Variants in CFAP61 observed in about 807,000 individuals in gnomAD.
CFAP61 encodes cilia and flagella associated protein 61.
CFAP61 carries 107 observed loss-of-function variants against 135.6 expected under a neutral mutation model. The ratio of observed to expected loss-of-function variants is 0.79; its 90% CI spans 0.67 to 0.93. CFAP61 has a LOEUF of 0.93. CFAP61 is among the 40% of genes least tolerant of loss of function. The pLI is 0.00. For synonymous variants in CFAP61, 575 were observed against 578.5 expected, an observed-to-expected ratio of 0.99 and a Z score of 0.09; for missense variants, 1,507 against 1,556.2, an observed-to-expected ratio of 0.97 and a Z score of 0.53.
intron 20 of CFAP61, among the ~76,000 whole-genome samples, chr20:20,256,377 G>C (rs1296358992): frequency 6.7e-6 from 1 of 148,996 alleles, no homozygotes; most frequent in Non-Finnish European, 1.5e-5. Context: ...GAACATAGTT[G>C]TGAAAATGTT....
intron 2 of CFAP61, among the ~76,000 whole-genome samples, chr20:20,068,458 C>A (rs981478423): frequency 1.5e-4 from 23 of 152,166 alleles, no homozygotes; most frequent in Admixed American, 2.0e-4. Flanking sequence ...ATACTGTATT[C>A]TAGGAACCTG....
chr20:20,298,373 A>C lies in CFAP61; in HGVS notation c.3409A>C (p.Thr1137Pro). The change falls in exon 25 of 27, where the codon ACA becomes CCA. Residue 1137 changes from threonine (T) to proline (P), a missense_variant. Coordinates refer to ENST00000245957, the MANE Select transcript of CFAP61 (RefSeq NM_015585.4). Reference sequence around the variant, plus strand: ...TGCTCGGTACGATGAAAACCTGATCACAGATCTCTATAGGTGAGTTGGACA... The same window carrying C: ...TGCTCGGTACGATGAAAACCTGATCCCAGATCTCTATAGGTGAGTTGGACA... Reference protein sequence around the residue: ...LCARYDENLITDLYSYFTEPW... With the variant: ...LCARYDENLIPDLYSYFTEPW... The C allele has an allele frequency of 6.2e-7, 1 of 1,613,854 alleles. No individual in the cohort carries two copies.
At chr20:20,316,212 C>T (rs1238826391) in intron 25 of CFAP61, among the ~76,000 whole-genome samples, 1 of 152,054 alleles carries the variant, frequency 6.6e-6, no homozygotes, top group East Asian at 1.9e-4. Flanking sequence ...TCATTTATTT[C>T]CTTGAGCAGT....
chr20:20,332,938 T>C (rs2058055027), intron 25 of CFAP61, among the ~76,000 whole-genome samples: 1 of 152,176 alleles, frequency 6.6e-6, no homozygotes, highest in Non-Finnish European at 1.5e-5. Flanking sequence ...AATTCTTTAG[T>C]GAAAGACAAA....
chr20:20,180,807 A>G (rs1170418898), intron 13 of CFAP61, among the ~76,000 whole-genome samples: 2 of 152,224 alleles, frequency 1.3e-5, no homozygotes, highest in Non-Finnish European at 2.9e-5. Context: ...CAGATACACC[A>G]TGGAATACTA....
chr20:20,166,255 A>G (rs953922188), intron 11 of CFAP61, 142 bp from the exon 12 acceptor site: 14 of 656,410 alleles, frequency 2.1e-5, no homozygotes, highest in Admixed American at 7.8e-5. Context: ...TATGCACCCC[A>G]TTAGTGTTCA....
intron 18 of CFAP61, among the ~76,000 whole-genome samples, chr20:20,229,332 C>T (rs1327901): frequency 0.38 from 57,219 of 152,060 alleles, 10,942 homozygotes; most frequent in Middle Eastern, 0.44. Flanking sequence ...TCGCTATCTT[C>T]ATTTATTTTT....
chr20:20,055,426 C>G (rs1432500507), intron 1 of CFAP61, among the ~76,000 whole-genome samples: 1 of 152,058 alleles, frequency 6.6e-6, no homozygotes, highest in Non-Finnish European at 1.5e-5. Context: ...TTTTCTAGCC[C>G]CCTCACTTAC....
Position 20,350,489 on chromosome 20 carries a change from C to T in CFAP61, c.3513+8568C>T, listed in dbSNP as rs980860919. On this transcript the variant is annotated intron_variant, in intron 26 of 26. Coordinates refer to ENST00000245957, the MANE Select transcript of CFAP61 (RefSeq NM_015585.4). ...ACTAAAAATACAAAAATTAGCCGGA[C>T]GTGATAGTGCACACCAGTAGTCCCA... 3.3e-5 allele frequency among the ~76,000 whole-genome samples: 5 copies of T among 152,196 alleles called. No individual in the cohort carries two copies. In the South Asian group the frequency reaches 6.2e-4, roughly 19 times the overall value.
At chr20:20,321,419 A>G (rs1014283728) in intron 25 of CFAP61, among the ~76,000 whole-genome samples, 3 of 152,232 alleles carry the variant, frequency 2.0e-5, no homozygotes, top group African/African-American at 7.2e-5. Context: ...TTCAAAAAGT[A>G]TCTGATAATC....
At chr20:20,210,037 C>T (rs144311417) in intron 17 of CFAP61, among the ~76,000 whole-genome samples, 70 of 152,296 alleles carry the variant, frequency 4.6e-4, no homozygotes, top group Non-Finnish European at 6.3e-4. Flanking sequence ...TCTTCCTCTC[C>T]GCTTTCCTTG....
At chr20:20,202,526 T>C (rs2146898953) in intron 17 of CFAP61, among the ~76,000 whole-genome samples, 1 of 152,350 alleles carries the variant, frequency 6.6e-6, no homozygotes, top group South Asian at 2.1e-4. Context: ...TAAATTATAT[T>C]ATTAAAATTA....
chr20:20,108,123 G>A (rs2048538565), intron 8 of CFAP61, among the ~76,000 whole-genome samples: 2 of 152,088 alleles, frequency 1.3e-5, no homozygotes, highest in African/African-American at 4.8e-5. Context: ...TTGTAAATAT[G>A]CATTGTAATT....
intron 18 of CFAP61, among the ~76,000 whole-genome samples, chr20:20,234,683 G>T (rs1304027810): frequency 2.0e-5 from 3 of 152,148 alleles, no homozygotes; most frequent in African/African-American, 7.2e-5. Context: ...GCTGTCAGAG[G>T]TGGGGATACT....
rs375793047 is a variant in CFAP61, at chr20:20,159,243, T to C, written c.952-127T>C. 170 of 751,326 alleles carry C rather than the reference T, an allele frequency of 2.3e-4. No homozygotes were observed. In the African/African-American group the frequency reaches 2.7e-3, roughly 12 times the overall value. 46.5% of individuals were successfully genotyped at this position (751,326 alleles called of 1,614,324 possible). On this transcript the variant is annotated intron_variant, in intron 9 of 26. Transcript: ENST00000245957. ...GGAGGAAACTGAGGTTACATAATTT[T>C]CCCAATGCCACAAGGCCAGTAAGCT...
chr20:20,147,578 T>C (rs1457072216), intron 9 of CFAP61, among the ~76,000 whole-genome samples: 2 of 152,258 alleles, frequency 1.3e-5, no homozygotes, highest in South Asian at 2.1e-4. Context: ...GACCACTTTA[T>C]GATGGGATTA....
At chr20:20,148,731 A>G (rs1303113458) in intron 9 of CFAP61, among the ~76,000 whole-genome samples, 1 of 152,200 alleles carries the variant, frequency 6.6e-6, no homozygotes, top group Non-Finnish European at 1.5e-5. Context: ...TGATCATATC[A>G]TCAGGAAACA....
At position 20,200,718 on chromosome 20, in the gene CFAP61, AAC is replaced by A. The variant is rs555637211; in HGVS notation, c.1932+819_1932+820del. 40 of 985,390 alleles carry A rather than the reference AAC, an allele frequency of 4.1e-5. No individual in the cohort carries two copies. The African/African-American group carries it at 7.0e-4, about 17-fold the overall frequency. 61.0% of individuals were successfully genotyped at this position (985,390 alleles called of 1,614,324 possible). ...GGAAAGTGTAAGTTTAAACTCTCCA[AAC>A]ACTTACCCAAGGAGCTGCCCCTCAG... On this transcript the variant is annotated intron_variant, in intron 17 of 26. Transcript: ENST00000245957.
At chr20:20,082,391 C>T (rs2046493589) in intron 6 of CFAP61, among the ~76,000 whole-genome samples, 1 of 152,186 alleles carries the variant, frequency 6.6e-6, no homozygotes, top group African/African-American at 2.4e-5. Flanking sequence ...GTAATCTGCC[C>T]ATCTACTTAG....
Sources: gnomAD v4.1 joint callset for allele counts (sites outside exome capture counted in the v4.1 genomes callset) on GRCh38, gnomAD v4.1.1 for gene constraint, MANE v1.5 for transcripts, NCBI Gene and HGNC (gene_info 2026-07-23, HGNC 2026-07-21) for gene names.